The following DNAH9 variants were observed in gnomAD, a reference collection of about 807,000 sequenced individuals.
DNAH9 encodes dynein axonemal heavy chain 9.
Under a neutral mutation model 471.6 loss-of-function variants are expected in DNAH9, and 345 were observed. The observed-to-expected ratio is 0.73, with a 90% CI of 0.67 to 0.80. The LOEUF is 0.80. Among genes scored for constraint, DNAH9 ranks in the 30% least tolerant of loss-of-function variants. The pLI, the probability that DNAH9 is intolerant of heterozygous loss-of-function variation, is 0.00. For synonymous variants in DNAH9, 2,093 were observed against 2,123.6 expected (o/e 0.99, Z 0.40); for missense variants, 5,407 against 5,609.2 (o/e 0.96, Z 1.15).
rs185678790 is a variant in DNAH9 at position 11,921,009 on chromosome 17, C to T, written c.11750-2805C>T. Among the ~76,000 whole-genome samples, 34 of 152,144 alleles carry T rather than the reference C, an allele frequency of 2.2e-4. No individual in the cohort carries two copies. The East Asian group carries it at 2.7e-3, about 12-fold the overall frequency. ...TACAAAAATTAGCCAGTCATGGTGG[C>T]GGGCACCTGTAATCCCAGCTACTTG... On this transcript the variant is annotated intron_variant, in intron 61 of 68. Transcript: ENST00000262442.
Position 11,943,414 on chromosome 17 carries a change from C to T in DNAH9, c.12843+929C>T, listed in dbSNP as rs138316275. ...TAGGTTAGGGCCGGGCGCGGTGGCT[C>T]GTGCCTGTAATCCCAGCACTTTGGG... is the stretch of plus-strand genomic sequence containing the variant. On this transcript the variant is annotated intron_variant, in intron 67 of 68. Transcript: ENST00000262442. 1.5e-3 allele frequency among the ~76,000 whole-genome samples: 224 copies of T among 152,130 alleles called. 1 individual carries two copies. The highest frequency in any genetic ancestry group is 4.5e-3 in the East Asian group (23 of 5,110).
At chr17:11,635,476 C>T (rs889353138) in intron 8 of DNAH9, among the ~76,000 whole-genome samples, 2 of 151,838 alleles carry the variant, frequency 1.3e-5, no homozygotes, top group Admixed American at 6.6e-5. Context: ...CCAGAGTGCC[C>T]GGCCCTCTTT....
Position 11,783,760 on chromosome 17 carries a change from G to A in DNAH9, c.7821+12G>A, listed in dbSNP as rs763264702. On this transcript the variant is annotated intron_variant, in intron 40 of 68. Transcript: ENST00000262442. ...ACCCCCGGCTTCAGGTACAGGAGGAGCCATGGGACCTGGGTCCTAATCCTA... is the reference window on the plus strand; with the variant it reads ...ACCCCCGGCTTCAGGTACAGGAGGAACCATGGGACCTGGGTCCTAATCCTA... The A allele has an allele frequency of 3.1e-6, 5 of 1,605,968 alleles. No individual in the cohort carries two copies. The South Asian group carries it at 4.4e-5, about 14-fold the overall frequency.
intron 50 of DNAH9, among the ~76,000 whole-genome samples, chr17:11,856,350 A>G (rs1358475433): frequency 9.2e-5 from 14 of 152,104 alleles, no homozygotes; most frequent in Non-Finnish European, 2.1e-4. Context: ...GTTAGATTAA[A>G]ATCTATGGAA....
intron 22 of DNAH9, among the ~76,000 whole-genome samples, chr17:11,697,460 A>G (rs982623130): frequency 6.6e-6 from 1 of 152,192 alleles, no homozygotes; most frequent in African/African-American, 2.4e-5. Flanking sequence ...CCTATAGAGA[A>G]TAAAATTTAA....
intron 56 of DNAH9, among the ~76,000 whole-genome samples, chr17:11,885,291 G>T (rs1278822140): frequency 6.6e-6 from 1 of 152,180 alleles, no homozygotes; most frequent in Non-Finnish European, 1.5e-5. Flanking sequence ...GAGGGAGGAG[G>T]TGCTTCCCTT....
At position 11,937,247 on chromosome 17, in the gene DNAH9, G is replaced by T. The variant is rs181920071; in HGVS notation, c.12490-105G>T. The T allele has an allele frequency of 2.5e-5, 34 of 1,369,410 alleles. No homozygotes were observed. In the African/African-American group the frequency reaches 4.5e-4, roughly 18 times the overall value. The allele number at this position is 1,369,410 out of a possible 1,614,324, so 84.8% of individuals were successfully genotyped here. ...CAGGGATGGTGAGCAGTGTCCCCTG[G>T]AGGAGGGATACTAGCCCATGGACTC... On this transcript the variant is annotated intron_variant, in intron 65 of 68. Transcript: ENST00000262442. The surrounding 1 kb of genome is among the most constrained non-coding windows in gnomAD (Gnocchi z 4.1).
chr17:11,941,507 C>T (rs961964618), intron 66 of DNAH9, among the ~76,000 whole-genome samples: 2 of 152,178 alleles, frequency 1.3e-5, no homozygotes, highest in Non-Finnish European at 2.9e-5. Context: ...GCCTCAATTC[C>T]AGTTTTCCAG....
At chr17:11,829,071 T>C (rs778062827) in intron 48 of DNAH9, among the ~76,000 whole-genome samples, 8 of 152,178 alleles carry the variant, frequency 5.3e-5, no homozygotes, top group African/African-American at 2.4e-5. Context: ...TTCTCGGCAA[T>C]ACTGTGCACA....
chr17:11,868,947 G>T (rs1260318373), intron 50 of DNAH9, among the ~76,000 whole-genome samples, 187 bp from the exon 51 acceptor site: 1 of 152,092 alleles, frequency 6.6e-6, no homozygotes, highest in Non-Finnish European at 1.5e-5. Flanking sequence ...GTCCTTGCTA[G>T]GACCCGCCTG....
At chr17:11,856,309 C>G (rs1597739947) in intron 50 of DNAH9, among the ~76,000 whole-genome samples, 1 of 152,248 alleles carries the variant, frequency 6.6e-6, no homozygotes, top group East Asian at 1.9e-4. Context: ...TGTAGACATG[C>G]TGTATGCCAC....
chr17:11,875,166 C>G lies in DNAH9; in HGVS notation c.10460C>G (p.Thr3487Arg), dbSNP rs145738103. Residue 3487 changes from threonine to arginine, a missense_variant, in exon 53 of 69, where the codon ACG becomes AGG. Coordinates refer to ENST00000262442, the MANE Select transcript of DNAH9 (RefSeq NM_001372.4). ...KNKYGEDLRVTQIGQKGYLQI... is the reference protein window; with the variant it reads ...KNKYGEDLRVRQIGQKGYLQI... The stretch of plus-strand genomic sequence containing the variant: ...AAATATGGTGAAGATCTCCGGGTCA[C>G]GCAGATTGGTCAGAAAGGGTAAGTG... 37 of 1,612,004 alleles carry G rather than the reference C, an allele frequency of 2.3e-5. No individual in the cohort carries two copies. Among genetic ancestry groups the G allele is most frequent in the African/African-American group, 8.1e-5 (6 of 74,240 alleles).
intron 61 of DNAH9, among the ~76,000 whole-genome samples, chr17:11,919,520 AAG>A (rs1177493694): frequency 8.4e-4 from 128 of 151,812 alleles, no homozygotes; most frequent in Middle Eastern, 3.4e-3. Context: ...AAAAAAAAAA[AAG>A]AGGGATCCAT....
intron 40 of DNAH9, 91 bp from the exon 41 acceptor site, chr17:11,784,209 A>G: frequency 1.3e-6 from 2 of 1,574,782 alleles, no homozygotes; most frequent in African/African-American, 1.4e-5. Flanking sequence ...CGAAGGCTGT[A>G]TAAGAATTTT....
In DNAH9 at chr17:11,689,965, C is replaced by T. The variant is rs2074304340; in HGVS notation, c.4143C>T (p.Ile1381=). 6.2e-7 allele frequency: 1 copy of T among 1,613,500 alleles called. No homozygotes were observed. Among genetic ancestry groups the T allele is most frequent in the Non-Finnish European group, 8.5e-7 (1 of 1,179,810 alleles). Residue 1381 remains isoleucine (I), a synonymous_variant, in exon 20 of 69, where the codon ATC becomes ATT. Transcript: ENST00000262442. ...TAGCTGAGCTGCAGAATCCAGCCAT[C>T]CGGGAGCGGCACTGGAGGCAGCTGA... ...RAVAELQNPA[I]RERHWRQLMQ...
chr17:11,633,527 G>T (rs1272667150), intron 8 of DNAH9, among the ~76,000 whole-genome samples: 1 of 152,176 alleles, frequency 6.6e-6, no homozygotes, highest in Admixed American at 6.5e-5. Context: ...AGAGTATTTG[G>T]TAACCCAAAT....
Position 11,610,404 on chromosome 17 carries a change from C to A in DNAH9, c.623C>A (p.Ser208Tyr). 6.2e-7 allele frequency: 1 copy of A among 1,612,298 alleles called. No homozygotes were observed. Among genetic ancestry groups the A allele is most frequent in the East Asian group, 2.2e-5 (1 of 44,844 alleles). The change falls in exon 3 of 69, where the codon TCT becomes TAT. Residue 208 changes from serine (S) to tyrosine (Y), a missense_variant. Coordinates refer to ENST00000262442, the MANE Select transcript of DNAH9 (RefSeq NM_001372.4). ...ADSKSETVLD[S>Y]IDKSVIYAIE... is the part of the protein sequence containing the mutation. ...TGTTTTGTCTTTCACAGCTTGGATT[C>A]TATAGATAAGTCAGTCATCTATGCC...
intron 20 of DNAH9, among the ~76,000 whole-genome samples, chr17:11,693,116 T>C (rs1418432043): frequency 6.7e-6 from 1 of 148,760 alleles, no homozygotes; most frequent in Non-Finnish European, 1.5e-5. Flanking sequence ...GGTTTCACCA[T>C]GTTGGTCAGG....
At chr17:11,676,037 T>C (rs2074043655) in intron 17 of DNAH9, among the ~76,000 whole-genome samples, 1 of 152,152 alleles carries the variant, frequency 6.6e-6, no homozygotes, top group Non-Finnish European at 1.5e-5. Context: ...AAATTTCTTA[T>C]TGAGCCATCT....
Sources: allele counts gnomAD v4.1 joint callset (sites outside exome capture counted in the v4.1 genomes callset), GRCh38; gene constraint gnomAD v4.1.1; non-coding constraint Gnocchi (gnomAD v3.1); transcripts MANE v1.5; gene names NCBI Gene and HGNC (gene_info 2026-07-23, HGNC 2026-07-21).